Variants in DGCR6L observed in about 807,000 individuals in gnomAD.
DGCR6L encodes DiGeorge syndrome critical region gene 6 like.
A neutral mutation model predicts 31.1 loss-of-function variants in DGCR6L; 24 were observed. The ratio of observed to expected loss-of-function variants is 0.77; its 90% CI spans 0.56 to 1.08. DGCR6L has a LOEUF of 1.08. DGCR6L is among the 50% of genes least tolerant of loss of function. The pLI is 0.00. For synonymous variants in DGCR6L, 104 were observed against 126.1 expected, an observed-to-expected ratio of 0.82 and a Z score of 1.17; for missense variants, 218 against 287.1, an observed-to-expected ratio of 0.76 and a Z score of 1.74.
chr22:20,318,579 C>T (rs1398030172), intron 2 of DGCR6L: 1 of 152,142 alleles, frequency 6.6e-6, no homozygotes, highest in East Asian at 1.9e-4. Context: ...CAACAATTTG[C>T]CACAAGTTAG....
At chr22:20,315,176 C>T (rs565872779) in intron 4 of DGCR6L, 160 bp downstream of exon 4, 2 of 1,504,142 alleles carry the variant, frequency 1.3e-6, no homozygotes, top group African/African-American at 2.8e-5. Flanking sequence ...TGGGCCTGGC[C>T]TCCGTGCTGG....
intron 2 of DGCR6L, among the ~76,000 whole-genome samples, chr22:20,316,783 T>C (rs1022793143): frequency 3.3e-5 from 5 of 152,190 alleles, no homozygotes; most frequent in African/African-American, 1.2e-4. Context: ...TGGGCAGACC[T>C]GGGAGGCCCA....
Position 20,319,748 on chromosome 22 carries a change from C to G in DGCR6L, c.162G>C (p.Ala54=), listed in dbSNP as rs773905883. Residue 54 remains alanine (A), a synonymous_variant, in exon 2 of 5, where the codon GCG becomes GCC. Coordinates refer to ENST00000248879, the MANE Select transcript of DGCR6L (RefSeq NM_033257.4). ...SYTTLSDLAL[A]LLDGTVFEIV... The stretch of plus-strand genomic sequence containing the variant: ...TTTCGAACACGGTGCCGTCGAGAAG[C>G]GCCAGGGCCAGGTCGCTGAGCGTGG... 6.2e-7 allele frequency: 1 copy of G among 1,612,812 alleles called. No individual in the cohort carries two copies. Among genetic ancestry groups the G allele is most frequent in the East Asian group, 2.2e-5 (1 of 44,858 alleles).
intron 2 of DGCR6L, among the ~76,000 whole-genome samples, chr22:20,317,691 A>G (rs1329118255): frequency 6.6e-6 from 1 of 152,254 alleles, no homozygotes; most frequent in Non-Finnish European, 1.5e-5. Context: ...GAGCCTGAAC[A>G]CATACCTGAA....
At position 20,315,026 on chromosome 22, in the gene DGCR6L, C is replaced by T. The variant is rs530762105; in HGVS notation, c.514-202G>A. The T allele has an allele frequency of 3.8e-6, 5 of 1,317,584 alleles. No individual in the cohort carries two copies. In the African/African-American group the frequency reaches 4.4e-5, roughly 12 times the overall value. 81.6% of individuals were successfully genotyped at this position (1,317,584 alleles called of 1,614,324 possible). On this transcript the variant is annotated intron_variant, in intron 4 of 4. Coordinates refer to ENST00000248879, the MANE Select transcript of DGCR6L (RefSeq NM_033257.4). Reference sequence around the variant, plus strand: ...AGCCTCTGCCCCCAGCAGGGCCACTCGGAATCTGAGCCTCTGCCCCCAGCA... The same window carrying T: ...AGCCTCTGCCCCCAGCAGGGCCACTTGGAATCTGAGCCTCTGCCCCCAGCA...
intron 2 of DGCR6L, among the ~76,000 whole-genome samples, chr22:20,317,306 T>C (rs1253486893): frequency 6.6e-6 from 1 of 152,212 alleles, no homozygotes; most frequent in Non-Finnish European, 1.5e-5. Flanking sequence ...GGAAATGTCA[T>C]CTCCTTCACT....
chr22:20,315,003 C>T (rs2051561121), intron 4 of DGCR6L, 179 bp from the exon 5 acceptor site: 5 of 1,403,408 alleles, frequency 3.6e-6, no homozygotes, highest in Non-Finnish European at 4.9e-6. Flanking sequence ...GGAATCTGAG[C>T]CTCTGCCCCC....
intron 2 of DGCR6L, chr22:20,318,783 C>T (rs2051587482): frequency 6.6e-6 from 1 of 152,170 alleles, no homozygotes; most frequent in Non-Finnish European, 1.5e-5. Context: ...GGAGGGTACC[C>T]CTGCCATCCT....
chr22:20,318,369 G>C (rs1175599943), intron 2 of DGCR6L: 1 of 152,262 alleles, frequency 6.6e-6, no homozygotes, highest in African/African-American at 2.4e-5. Context: ...AGGAAACCCA[G>C]AGAGTGGAGA....
chr22:20,314,557 C>T lies in DGCR6L; in HGVS notation c.*118G>A, dbSNP rs1373818025. 3 of 1,353,926 alleles carry T rather than the reference C, an allele frequency of 2.2e-6. No individual in the cohort carries two copies. Among genetic ancestry groups the T allele is most frequent in the African/African-American group, 1.5e-5 (1 of 67,802 alleles). The allele number at this position is 1,353,926 out of a possible 1,614,324, so 83.9% of individuals were successfully genotyped here. Reference sequence around the variant, plus strand: ...ACAGCAAGTCCCAGATGAAGGGTGACAGGCAGCTGGGGTCCACCTGGTCTC... The same window carrying T: ...ACAGCAAGTCCCAGATGAAGGGTGATAGGCAGCTGGGGTCCACCTGGTCTC... On this transcript the variant is annotated 3_prime_UTR_variant, in exon 5 of 5. Transcript: ENST00000248879.
At chr22:20,319,606 G>A (rs759472818) in intron 2 of DGCR6L, 33 bp downstream of exon 2, 60 of 1,606,400 alleles carry the variant, frequency 3.7e-5, no homozygotes, top group Non-Finnish European at 4.8e-5. Context: ...CGACCCGGAG[G>A]AGGCGGCACC....
At chr22:20,316,998 C>T (rs1449618573) in intron 2 of DGCR6L, among the ~76,000 whole-genome samples, 1 of 152,214 alleles carries the variant, frequency 6.6e-6, no homozygotes, top group African/African-American at 2.4e-5. Context: ...CCACAGCTGG[C>T]GCCAGTGACC....
intron 4 of DGCR6L, 155 bp downstream of exon 4, chr22:20,315,181 T>G: frequency 6.6e-7 from 1 of 1,512,390 alleles, no homozygotes; most frequent in Non-Finnish European, 8.9e-7. Context: ...CTGGCCTCCG[T>G]GCTGGGAATG....
Position 20,315,338 on chromosome 22 carries a change from G to A in DGCR6L, c.511C>T (p.Gln171Ter). The A allele has an allele frequency of 1.2e-6, 2 of 1,612,856 alleles. No individual in the cohort carries two copies. Among genetic ancestry groups the A allele is most frequent in the Admixed American group, 1.7e-5 (1 of 59,888 alleles). Residue 171 changes from glutamine (Q) to a stop codon, truncating the protein, a stop_gained and splice_region_variant, in exon 4 of 5, where the codon CAG (glutamine) becomes TAG (stop). Coordinates refer to ENST00000248879, the MANE Select transcript of DGCR6L (RefSeq NM_033257.4). LOFTEE classifies it high-confidence loss of function. ...VAGFYVTTNP[Q>*]ELMLQMNLLE... ...GCAGAGCAGGCCCAGGCACTGACCT[G>A]TGGGTTGGTGGTCACGTAGAAGCCA...
Position 20,319,639 on chromosome 22 carries a change from C to G in DGCR6L, c.271G>C (p.Val91Leu). Residue 91 changes from valine to leucine, a missense_variant and splice_region_variant, in exon 2 of 5, where the codon GTG (valine) becomes CTG (leucine). Coordinates refer to ENST00000248879, the MANE Select transcript of DGCR6L (RefSeq NM_033257.4). ...ACCTCATCCCGCTGCCCCCGCGCAC[C>G]TCGGTGCTCGTTCTGTAGGCGCAGG... The part of the protein sequence containing the change: ...QRLRLQNEHR[V>L]LRQALRQKHQ... 1 of 1,611,182 alleles carries G rather than the reference C, an allele frequency of 6.2e-7. No homozygotes were observed. Among genetic ancestry groups the G allele is most frequent in the South Asian group, 1.1e-5 (1 of 90,876 alleles).
In DGCR6L at chr22:20,314,827, G is replaced by A. The variant is rs373175771; in HGVS notation, c.514-3C>T. On this transcript the variant is annotated splice_polypyrimidine_tract_variant and splice_region_variant and intron_variant, in intron 4 of 4. Transcript: ENST00000248879. ...AGGTTCATCTGCAGCATCAGCTCCT[G>A]GGATACAGAGGGGCCCCATGAAGGC... 4 of 1,610,664 alleles carry A rather than the reference G, an allele frequency of 2.5e-6. No individual in the cohort carries two copies. The highest frequency in any genetic ancestry group is 3.4e-6 in the Non-Finnish European group (4 of 1,178,906).
At chr22:20,317,761 C>G (rs2051581202) in intron 2 of DGCR6L, among the ~76,000 whole-genome samples, 1 of 152,222 alleles carries the variant, frequency 6.6e-6, no homozygotes, top group Admixed American at 6.5e-5. Context: ...GCCTGGAGCG[C>G]CCCCAACTGG....
At chr22:20,315,275 C>T (rs2051563036) in intron 4 of DGCR6L, 61 bp downstream of exon 4, 3 of 1,565,176 alleles carry the variant, frequency 1.9e-6, no homozygotes, top group Non-Finnish European at 2.6e-6. Flanking sequence ...AGCAGTAAAA[C>T]CCCAGATGGA....
chr22:20,318,484 A>G (rs1010519447), intron 2 of DGCR6L: 1 of 152,222 alleles, frequency 6.6e-6, no homozygotes, highest in African/African-American at 2.4e-5. Context: ...ATGCCACAAT[A>G]AATGTTGGGG....
Sources: gnomAD v4.1 joint callset for allele counts (sites outside exome capture counted in the v4.1 genomes callset) on GRCh38, gnomAD v4.1.1 for gene constraint, MANE v1.5 for transcripts, NCBI Gene and HGNC (gene_info 2026-07-23, HGNC 2026-07-21) for gene names.